Variants in LRFN5 observed in about 807,000 individuals in gnomAD.
The protein encoded by LRFN5 is leucine-rich repeat and fibronectin type-III domain-containing protein 5.
In LRFN5, 24 loss-of-function variants were observed where a neutral mutation model predicts 45.6. The ratio of observed to expected loss-of-function variants is 0.53; its 90% CI spans 0.38 to 0.74. LRFN5 has a LOEUF of 0.74. LRFN5 is among the 30% of genes least tolerant of loss of function. The probability of loss-of-function intolerance (pLI) is 0.00; values close to 1 mark genes in which losing one functional copy is unlikely to be tolerated. For missense variants in LRFN5, 776 were observed against 861.5 expected, an observed-to-expected ratio of 0.90 and a Z score of 1.24; for synonymous variants, 340 against 313.8, an observed-to-expected ratio of 1.08 and a Z score of -0.88.
chr14:41,873,907 A>G (rs1454895613), intron 2 of LRFN5, among the ~76,000 whole-genome samples: 2 of 152,220 alleles, frequency 1.3e-5, no homozygotes, highest in African/African-American at 4.8e-5. Context: ...GGAAACTGAA[A>G]TACAGTGGAT....
At chr14:41,888,937 C>T (rs1890675335) in intron 3 of LRFN5, among the ~76,000 whole-genome samples, 1 of 151,124 alleles carries the variant, frequency 6.6e-6, no homozygotes, top group Non-Finnish European at 1.5e-5. Flanking sequence ...GATGCAAAAC[C>T]ATGGCTTTGC....
chr14:41,702,965 A>C (rs1882899543), intron 1 of LRFN5, among the ~76,000 whole-genome samples: 1 of 152,068 alleles, frequency 6.6e-6, no homozygotes, highest in Non-Finnish European at 1.5e-5. Flanking sequence ...AAACCATGGC[A>C]CCCCTTTATC....
chr14:41,863,821 C>T lies in LRFN5; in HGVS notation c.-20-22785C>T, dbSNP rs149525455. Among the ~76,000 whole-genome samples, 128 of 152,164 alleles carry T rather than the reference C, an allele frequency of 8.4e-4. No homozygotes were observed. The East Asian group carries it at 0.021, about 24-fold the overall frequency. On this transcript the variant is annotated intron_variant, in intron 2 of 5. Coordinates refer to ENST00000298119, the MANE Select transcript of LRFN5 (RefSeq NM_152447.5). ...CTACATTAGGTATTTCTCCTAATGCCATCCCTCCCCTAGCCCCCAACCCCC... is the reference window on the plus strand; with the variant it reads ...CTACATTAGGTATTTCTCCTAATGCTATCCCTCCCCTAGCCCCCAACCCCC...
intron 2 of LRFN5, among the ~76,000 whole-genome samples, chr14:41,870,980 T>C (rs914086510): frequency 6.6e-6 from 1 of 152,094 alleles, no homozygotes; most frequent in African/African-American, 2.4e-5. Flanking sequence ...TACTAGATTA[T>C]CAGTACATAT....
chr14:41,783,501 G>A (rs1886609171), intron 2 of LRFN5, among the ~76,000 whole-genome samples: 1 of 152,044 alleles, frequency 6.6e-6, no homozygotes, highest in African/African-American at 2.4e-5. Flanking sequence ...CAGCATCCAA[G>A]TTTTTTTACA....
intron 1 of LRFN5, among the ~76,000 whole-genome samples, chr14:41,671,544 GT>G (rs1566613083): frequency 1.3e-5 from 2 of 148,666 alleles, no homozygotes; most frequent in African/African-American, 5.0e-5. Flanking sequence ...TTACTTCGTG[GT>G]ATCACTTCCA....
intron 2 of LRFN5, among the ~76,000 whole-genome samples, chr14:41,835,721 C>T (rs1018426604): frequency 2.0e-5 from 3 of 151,566 alleles, no homozygotes; most frequent in African/African-American, 7.3e-5. Context: ...AGTGGGACCA[C>T]GTCTCAAGCA....
intron 2 of LRFN5, among the ~76,000 whole-genome samples, chr14:41,793,272 A>G (rs1396191552): frequency 6.6e-6 from 1 of 152,026 alleles, no homozygotes; most frequent in Non-Finnish European, 1.5e-5. Flanking sequence ...GACTTCCCAC[A>G]ACAATTAATT....
At chr14:41,631,537 G>T (rs944042551) in intron 1 of LRFN5, among the ~76,000 whole-genome samples, 8 of 151,946 alleles carry the variant, frequency 5.3e-5, no homozygotes, top group Admixed American at 6.6e-5. Context: ...AAAAAATAAA[G>T]ATTTAAATAT....
At chr14:41,759,932 T>C (rs1008173975) in intron 1 of LRFN5, among the ~76,000 whole-genome samples, 1 of 152,192 alleles carries the variant, frequency 6.6e-6, no homozygotes, top group Non-Finnish European at 1.5e-5. Flanking sequence ...TTATGTAAAT[T>C]TTCATGCAGT....
chr14:41,895,650 AAATG>A (rs905498741), intron 4 of LRFN5, among the ~76,000 whole-genome samples: 10 of 152,022 alleles, frequency 6.6e-5, no homozygotes, highest in African/African-American at 2.4e-4. Context: ...AAAAGTAAAT[AAATG>A]AATAAATAAA....
chr14:41,887,686 C>T lies in LRFN5; in HGVS notation c.1061C>T (p.Ala354Val). The change falls in exon 3 of 6, where the codon GCT becomes GTT. Residue 354 changes from alanine (A) to valine (V), a missense_variant. Around this residue, in one of 2 missense-constraint regions of LRFN5, gnomAD observed 465 missense variants for 456.4 expected, o/e 1.02. Transcript: ENST00000298119. This position sits in a 1 kb window ranked among gnomAD's most constrained non-coding sequence, Gnocchi z 4.8. ...ATCACAACTGTAAAGGATACAGGTGCTTTTACCTGCATTGCTTCCAATCCT... is the reference window on the plus strand; with the variant it reads ...ATCACAACTGTAAAGGATACAGGTGTTTTTACCTGCATTGCTTCCAATCCT... ...ILITTVKDTG[A>V]FTCIASNPAG... The T allele has an allele frequency of 1.2e-6, 2 of 1,614,134 alleles. No homozygotes were observed. Among genetic ancestry groups the T allele is most frequent in the Non-Finnish European group, 1.7e-6 (2 of 1,180,028 alleles).
chr14:41,895,606 C>CAG (rs1036776781), intron 4 of LRFN5, among the ~76,000 whole-genome samples: 1 of 151,020 alleles, frequency 6.6e-6, no homozygotes, highest in African/African-American at 2.4e-5. Flanking sequence ...GCCTGGGTGA[C>CAG]AGAGAGAGAC....
At chr14:41,781,620 A>AAGAGAAAGAAAG (rs1174265103) in intron 2 of LRFN5, among the ~76,000 whole-genome samples, 2 of 99,720 alleles carry the variant, frequency 2.0e-5, no homozygotes, top group African/African-American at 9.2e-5. Context: ...AAGAAAGAGA[A>AAGAGAAAGAAAG]AGAAAGAAAG....
At chr14:41,771,367 C>T (rs554524657) in intron 2 of LRFN5, among the ~76,000 whole-genome samples, 49 of 151,906 alleles carry the variant, frequency 3.2e-4, no homozygotes, top group African/African-American at 9.2e-4. Context: ...GTTGCTCCAT[C>T]GGTTCTTTAT....
intron 1 of LRFN5, among the ~76,000 whole-genome samples, chr14:41,712,276 T>G (rs1256038206): frequency 7.0e-6 from 1 of 143,110 alleles, no homozygotes; most frequent in African/African-American, 2.6e-5. Context: ...AGAAAAAGGT[T>G]TTGGGCCAGG....
chr14:41,702,300 C>T (rs775399398), intron 1 of LRFN5, among the ~76,000 whole-genome samples: 3 of 151,930 alleles, frequency 2.0e-5, no homozygotes, highest in Non-Finnish European at 4.4e-5. Context: ...ATCCATGAAG[C>T]GACATACAAG....
At chr14:41,896,593 ATT>A (rs1890947197) in intron 4 of LRFN5, among the ~76,000 whole-genome samples, 1 of 152,194 alleles carries the variant, frequency 6.6e-6, no homozygotes, top group African/African-American at 2.4e-5. Context: ...TTGAAATGGC[ATT>A]CAGAAAAGAA....
chr14:41,885,935 C>T (rs898770144), intron 2 of LRFN5, among the ~76,000 whole-genome samples: 7 of 147,338 alleles, frequency 4.8e-5, no homozygotes, highest in African/African-American at 1.3e-4. Flanking sequence ...CATCAGTAAT[C>T]GCTTGAACCT....
Sources: gnomAD v4.1 joint callset for allele counts (sites outside exome capture counted in the v4.1 genomes callset) on GRCh38, gnomAD v4.1.1 for gene constraint, gnomAD v4.1.1 regional missense constraint, Gnocchi (gnomAD v3.1) non-coding constraint, MANE v1.5 for transcripts, NCBI Gene and HGNC (gene_info 2026-07-23, HGNC 2026-07-21) for gene names.